XPNPEP3: variants seen among roughly 807,000 people sequenced by gnomAD.
XPNPEP3 encodes the protein X-prolyl aminopeptidase 3.
In XPNPEP3, 41 loss-of-function variants were observed where a neutral mutation model predicts 60.0. That is an observed-to-expected ratio of 0.68 (90% CI 0.53 to 0.89). The LOEUF (loss-of-function observed/expected upper bound fraction) is 0.89. Among genes scored for constraint, XPNPEP3 ranks in the 40% least tolerant of loss-of-function variants. XPNPEP3 has a pLI of 0.00. For missense variants in XPNPEP3, 598 were observed against 638.9 expected, an observed-to-expected ratio of 0.94 and a Z score of 0.69; for synonymous variants, 212 against 223.2, an observed-to-expected ratio of 0.95 and a Z score of 0.45.
chr22:40,916,220 A>C (rs890007351), intron 7 of XPNPEP3, among the ~76,000 whole-genome samples: 1 of 151,930 alleles, frequency 6.6e-6, no homozygotes, highest in African/African-American at 2.4e-5. Flanking sequence ...TGAACCGGGA[A>C]AGGGGAGGTT....
rs2058256236 is a variant in XPNPEP3 at position 40,931,974 on chromosome 22, T to A, written c.*5539T>A. On this transcript the variant is annotated 3_prime_UTR_variant, in exon 10 of 10. Coordinates refer to ENST00000357137, the MANE Select transcript of XPNPEP3 (RefSeq NM_022098.4). ...TTATTAAAACAGAAAAATGTACCTTTGTTATGTCTTTCCAAATATCCACAC... is the reference window on the plus strand; with the variant it reads ...TTATTAAAACAGAAAAATGTACCTTAGTTATGTCTTTCCAAATATCCACAC... The A allele has an allele frequency of 6.6e-6, 1 of 152,196 alleles. No homozygotes were observed. Among genetic ancestry groups the A allele is most frequent in the Admixed American group, 6.6e-5 (1 of 15,266 alleles). The allele number at this position is 152,196 out of a possible 1,614,324, so 9.4% of individuals were successfully genotyped here.
chr22:40,873,163 T>C (rs1436520653), intron 2 of XPNPEP3, among the ~76,000 whole-genome samples: 1 of 141,308 alleles, frequency 7.1e-6, no homozygotes, highest in Non-Finnish European at 1.5e-5. Flanking sequence ...TGGAGTGCAG[T>C]GGCGTGATCC....
At chr22:40,923,689 T>C (rs1478519545) in intron 8 of XPNPEP3, among the ~76,000 whole-genome samples, 2 of 151,936 alleles carry the variant, frequency 1.3e-5, no homozygotes, top group Non-Finnish European at 2.9e-5. Flanking sequence ...CTGTCTCTAC[T>C]AAAAATACAA....
Position 40,926,414 on chromosome 22 carries a change from G to A in XPNPEP3, c.1503G>A (p.Gln501=), listed in dbSNP as rs886057508. The change falls in exon 10 of 10, where the codon CAG becomes CAA. Residue 501 remains glutamine (Q), a synonymous_variant. Coordinates refer to ENST00000357137, the MANE Select transcript of XPNPEP3 (RefSeq NM_022098.4). ...CCAAAGAGATGAATGACATTGAACA[G>A]ATATGCAGCCAGGCTTCTTGACCTT... The part of the protein sequence containing the change: ...DCPKEMNDIE[Q]ICSQAS The A allele has an allele frequency of 6.2e-7, 1 of 1,614,150 alleles. No individual in the cohort carries two copies. The highest frequency in any genetic ancestry group is 8.5e-7 in the Non-Finnish European group (1 of 1,180,044).
In XPNPEP3 at chr22:40,866,460, C is replaced by T. The variant is rs79804760; in HGVS notation, c.65-2539C>T. On this transcript the variant is annotated intron_variant, in intron 1 of 9. Coordinates refer to ENST00000357137, the MANE Select transcript of XPNPEP3 (RefSeq NM_022098.4). The stretch of plus-strand genomic sequence containing the variant: ...TGGTATTTTTTAGAATTTCTGTAAT[C>T]GTATAAGCAGGCAGTGTCCACTTTA... Among the ~76,000 whole-genome samples the T allele has an allele frequency of 2.4e-4, 37 of 152,098 alleles. No homozygotes were observed. The East Asian group carries it at 5.4e-3, about 22-fold the overall frequency.
chr22:40,922,302 A>C, intron 7 of XPNPEP3, 31 bp from the exon 8 acceptor site: 2 of 1,613,168 alleles, frequency 1.2e-6, no homozygotes, highest in Non-Finnish European at 1.7e-6. Context: ...AGATTATCTA[A>C]GTTCAGGTTC....
chr22:40,861,935 T>G lies in XPNPEP3; in HGVS notation c.64+4690T>G. 1 of 1,613,294 alleles carries G rather than the reference T, an allele frequency of 6.2e-7. No homozygotes were observed. The highest frequency in any genetic ancestry group is 1.3e-5 in the African/African-American group (1 of 74,870). On this transcript the variant is annotated intron_variant, in intron 1 of 9. Coordinates refer to ENST00000357137, the MANE Select transcript of XPNPEP3 (RefSeq NM_022098.4). ...TAAGTGCCACTTTATGATAAGCTTT[T>G]TTAATGTCCTCAGGTGAAGCATATC...
At chr22:40,893,867 C>T (rs561427600) in intron 4 of XPNPEP3, among the ~76,000 whole-genome samples, 4 of 152,280 alleles carry the variant, frequency 2.6e-5, no homozygotes, top group African/African-American at 9.6e-5. Context: ...CTGCCCACCT[C>T]GGCCTCCCAA....
chr22:40,864,534 C>G (rs973895704), intron 1 of XPNPEP3, among the ~76,000 whole-genome samples: 1 of 152,050 alleles, frequency 6.6e-6, no homozygotes, highest in Non-Finnish European at 1.5e-5. Context: ...CAACATCTAC[C>G]TCCCGGGTTC....
chr22:40,907,941 G>A (rs996899189), intron 5 of XPNPEP3, among the ~76,000 whole-genome samples: 3 of 151,922 alleles, frequency 2.0e-5, no homozygotes, highest in Non-Finnish European at 2.9e-5. Context: ...AGGGCTGGGC[G>A]TGGAGCTCAT....
At chr22:40,914,144 G>GGA (rs2058186572) in intron 6 of XPNPEP3, 95 bp from the exon 7 acceptor site, 2 of 833,242 alleles carry the variant, frequency 2.4e-6, no homozygotes, top group Non-Finnish European at 1.8e-6. Flanking sequence ...CTCCGTCTCA[G>GGA]AAAAAAAAAA....
chr22:40,895,823 T>C (rs1215051366), intron 4 of XPNPEP3, among the ~76,000 whole-genome samples: 1 of 152,146 alleles, frequency 6.6e-6, no homozygotes, highest in East Asian at 1.9e-4. Context: ...TCTTAAGTTC[T>C]TCATTAAGAG....
chr22:40,872,004 G>C (rs563133365), intron 2 of XPNPEP3, among the ~76,000 whole-genome samples: 20 of 152,288 alleles, frequency 1.3e-4, no homozygotes, highest in Non-Finnish European at 2.6e-4. Context: ...TTGCACTCCA[G>C]CTTGGGCAAC....
intron 1 of XPNPEP3, among the ~76,000 whole-genome samples, chr22:40,867,258 C>T (rs999287267): frequency 6.6e-6 from 1 of 152,150 alleles, no homozygotes; most frequent in Non-Finnish European, 1.5e-5. Context: ...ACCAGAGAAG[C>T]TGAGATTCAA....
intron 6 of XPNPEP3, 69 bp downstream of exon 6, chr22:40,909,304 A>C: frequency 2.4e-5 from 28 of 1,173,268 alleles, no homozygotes; most frequent in Non-Finnish European, 2.8e-5. Context: ...TGCTAACCTC[A>C]TGTCCTCTCA....
chr22:40,871,245 C>T (rs371523709), intron 2 of XPNPEP3, among the ~76,000 whole-genome samples: 3 of 151,878 alleles, frequency 2.0e-5, no homozygotes, highest in Non-Finnish European at 4.4e-5. Flanking sequence ...CTCAGCTACT[C>T]GGGGGACTCA....
chr22:40,898,206 A>G (rs377205824), intron 4 of XPNPEP3, among the ~76,000 whole-genome samples: 1 of 40,232 alleles, frequency 2.5e-5, no homozygotes, highest in African/African-American at 6.8e-5. Context: ...TTTATGTTTT[A>G]TGTTTAGGTC....
At chr22:40,921,130 A>G (rs535670349) in intron 7 of XPNPEP3, among the ~76,000 whole-genome samples, 1 of 150,258 alleles carries the variant, frequency 6.7e-6, no homozygotes, top group South Asian at 2.1e-4. Flanking sequence ...GGACCTCCTC[A>G]TGGGTCAAGC....
At chr22:40,857,635 A>C (rs542863718) in intron 1 of XPNPEP3, among the ~76,000 whole-genome samples, 1 of 152,396 alleles carries the variant, frequency 6.6e-6, no homozygotes, top group East Asian at 1.9e-4. Flanking sequence ...TTTAGTAACA[A>C]ATTCTTTCAG....
Sources: allele counts gnomAD v4.1 joint callset (sites outside exome capture counted in the v4.1 genomes callset), GRCh38; gene constraint gnomAD v4.1.1; transcripts MANE v1.5; gene names NCBI Gene and HGNC (gene_info 2026-07-23, HGNC 2026-07-21).